The following CEACAM18 variants were observed in gnomAD, a reference collection of about 807,000 sequenced individuals.
CEACAM18 encodes cell adhesion molecule CEACAM18.
CEACAM18 carries 33 observed loss-of-function variants against 34.3 expected under a neutral mutation model. The observed-to-expected ratio is 0.96, with a 90% confidence interval of 0.73 to 1.29. CEACAM18 has a LOEUF of 1.29. Ranked by LOEUF, CEACAM18 falls within the 50% of genes most tolerant of loss-of-function variation. CEACAM18 has a pLI of 0.00. For missense variants in CEACAM18, 474 were observed against 485.0 expected (o/e 0.98, Z 0.21); for synonymous variants, 169 against 180.9 (o/e 0.93, Z 0.53).
At chr19:51,486,342 A>G (rs1382505240) in intron 5 of CEACAM18, among the ~76,000 whole-genome samples, 1 of 152,158 alleles carries the variant, frequency 6.6e-6, no homozygotes, top group African/African-American at 2.4e-5. Flanking sequence ...CACAATGCCT[A>G]TATTTTTCTG....
chr19:51,489,705 T>C (rs571342740), intron 5 of CEACAM18, among the ~76,000 whole-genome samples: 1 of 152,254 alleles, frequency 6.6e-6, no homozygotes, highest in South Asian at 2.1e-4. Flanking sequence ...ATGTGTAAAA[T>C]GGAACTAACA....
At chr19:51,479,349 C>T (rs1231955611) in intron 1 of CEACAM18, among the ~76,000 whole-genome samples, 2 of 152,218 alleles carry the variant, frequency 1.3e-5, no homozygotes, top group African/African-American at 4.8e-5. Flanking sequence ...CCTCCATTCA[C>T]ACCCACTCCA....
At chr19:51,486,565 C>T (rs534023646) in intron 5 of CEACAM18, among the ~76,000 whole-genome samples, 1 of 152,184 alleles carries the variant, frequency 6.6e-6, no homozygotes, top group African/African-American at 2.4e-5. Flanking sequence ...GGAGAGCCCT[C>T]ATCTCTAGGG....
chr19:51,484,904 G>A, intron 4 of CEACAM18, 83 bp from the exon 5 acceptor site: 1 of 1,461,610 alleles, frequency 6.8e-7, no homozygotes, highest in Non-Finnish European at 9.3e-7. Context: ...TTTGAAGAAT[G>A]GATATGTGGG....
In CEACAM18 at chr19:51,483,306, C is replaced by T. The variant is rs1245736384; in HGVS notation, c.953+10C>T. On this transcript the variant is annotated intron_variant, in intron 4 of 5. Transcript: ENST00000396477. ...TCCAGGCCCCCCATGAGTGCAGCAG[C>T]TCCCCTCCAGGCTCATGCTTTGCAC... is the stretch of plus-strand genomic sequence containing the variant. 1.9e-6 allele frequency: 3 copies of T among 1,613,612 alleles called. No homozygotes were observed. The highest frequency in any genetic ancestry group is 1.7e-6 in the Non-Finnish European group (2 of 1,179,874).
exon 6 of CEACAM18, chr19:51,490,809 C>T (rs1990078839): frequency 5.0e-6 from 2 of 403,142 alleles, no homozygotes; most frequent in Non-Finnish European, 8.6e-6. Flanking sequence ...GCAGACCCCA[C>T]CCGGGACCTG....
At chr19:51,489,954 C>T (rs1990063730) in intron 5 of CEACAM18, among the ~76,000 whole-genome samples, 2 of 152,158 alleles carry the variant, frequency 1.3e-5, no homozygotes, top group Admixed American at 1.3e-4. Context: ...GGAAGAACCC[C>T]CCTGGCCTGG....
At chr19:51,478,959 C>T (rs1163306979) in intron 1 of CEACAM18, among the ~76,000 whole-genome samples, 3 of 143,076 alleles carry the variant, frequency 2.1e-5, no homozygotes, top group African/African-American at 5.0e-5. Context: ...CACATGCACA[C>T]ACACACACGC....
At chr19:51,479,764 T>C (rs1989876066) in intron 1 of CEACAM18, among the ~76,000 whole-genome samples, 1 of 152,098 alleles carries the variant, frequency 6.6e-6, no homozygotes, top group African/African-American at 2.4e-5. Flanking sequence ...GTGCGAAGCC[T>C]GGAGTTAGGA....
chr19:51,483,109 A>G (rs1468990770), exon 4 of CEACAM18: 2 of 1,614,030 alleles, frequency 1.2e-6, no homozygotes, highest in South Asian at 1.1e-5. Context: ...AATGGAGTGT[A>G]TCTGCTATTC....
At chr19:51,486,724 T>C (rs972462175) in intron 5 of CEACAM18, among the ~76,000 whole-genome samples, 8 of 100,650 alleles carry the variant, frequency 7.9e-5, no homozygotes, top group East Asian at 5.1e-4. Context: ...CTTTTCTTTC[T>C]TTTTTTTTTT....
chr19:51,489,362 C>T (rs1380920274), intron 5 of CEACAM18, among the ~76,000 whole-genome samples: 2 of 151,558 alleles, frequency 1.3e-5, no homozygotes, highest in East Asian at 3.9e-4. Flanking sequence ...CGATCCAGCC[C>T]CCTCTTTCAG....
intron 4 of CEACAM18, 114 bp from the exon 5 acceptor site, chr19:51,484,873 G>A: frequency 7.6e-7 from 1 of 1,308,468 alleles, no homozygotes; most frequent in South Asian, 1.3e-5. Context: ...GTGCTTTGCT[G>A]ATAATAGATG....
rs200489773 is a variant in CEACAM18 at position 51,478,717 on chromosome 19, T to C, written c.52+23T>C. 298 of 1,412,916 alleles carry C rather than the reference T, an allele frequency of 2.1e-4. 2 individuals carry two copies. In the African/African-American group the frequency reaches 4.1e-3, roughly 19 times the overall value. The allele number at this position is 1,412,916 out of a possible 1,614,324, so 87.5% of individuals were successfully genotyped here. ...TGGGTAAGAGATGCTGGATGCTGGA[T>C]GAGCTTCCCAGGACTGAGGGAAGGG... On this transcript the variant is annotated intron_variant, in intron 1 of 5. Transcript: ENST00000396477.
At position 51,480,685 on chromosome 19, in the gene CEACAM18, G is replaced by A. The variant is rs1459166808; in HGVS notation, c.400+5G>A. On this transcript the variant is annotated splice_donor_5th_base_variant and intron_variant, in intron 2 of 5. Coordinates refer to ENST00000396477, the Ensembl canonical transcript of CEACAM18. ...CCGGCTGGCTGGAGGTTCTAGGTGG[G>A]TTAGCAGGTGCTGTGTTTCCCAACC... 5.0e-6 allele frequency: 8 copies of A among 1,605,446 alleles called. No individual in the cohort carries two copies. Among genetic ancestry groups the A allele is most frequent in the Non-Finnish European group, 6.8e-6 (8 of 1,175,240 alleles).
At chr19:51,481,779 G>C (rs1989920964) in intron 3 of CEACAM18, 114 bp downstream of exon 3, 1 of 1,094,748 alleles carries the variant, frequency 9.1e-7, no homozygotes, top group Non-Finnish European at 1.3e-6. Context: ...GGGCCAGCCT[G>C]CAGCCAGCTC....
At position 51,478,703 on chromosome 19, in the gene CEACAM18, T is replaced by A. The variant is rs757733079; in HGVS notation, c.52+9T>A. 2 of 1,433,950 alleles carry A rather than the reference T, an allele frequency of 1.4e-6. No individual in the cohort carries two copies. Among genetic ancestry groups the A allele is most frequent in the East Asian group, 2.7e-5 (1 of 37,160 alleles). 88.8% of individuals were successfully genotyped at this position (1,433,950 alleles called of 1,614,324 possible). A position where few individuals can be genotyped will look rare whatever the true frequency, so the allele number is the denominator to read the frequency against. On this transcript the variant is annotated intron_variant, in intron 1 of 5. Coordinates refer to ENST00000396477, the Ensembl canonical transcript of CEACAM18. ...GAGGGTCTTCCTCATGGGTAAGAGA[T>A]GCTGGATGCTGGATGAGCTTCCCAG...
chr19:51,489,327 G>GC (rs1990051905), intron 5 of CEACAM18, among the ~76,000 whole-genome samples: 1 of 150,908 alleles, frequency 6.6e-6, no homozygotes, highest in Non-Finnish European at 1.5e-5. Flanking sequence ...TGCTTTCCCT[G>GC]CCCCCAGTAA....
intron 5 of CEACAM18, among the ~76,000 whole-genome samples, chr19:51,486,409 G>A (rs76296143): frequency 0.076 from 11,490 of 152,150 alleles, 518 homozygotes; most frequent in African/African-American, 0.12. Context: ...TAGACCAAGG[G>A]TGCAGCTGGG....
Sources: allele counts gnomAD v4.1 joint callset (sites outside exome capture counted in the v4.1 genomes callset), GRCh38; gene constraint gnomAD v4.1.1; transcripts MANE v1.5; gene names NCBI Gene and HGNC (gene_info 2026-07-23, HGNC 2026-07-21).